Variants in SCLT1 observed in about 807,000 individuals in gnomAD.
The protein encoded by SCLT1 is sodium channel-associated protein 1.
A neutral mutation model predicts 112.8 loss-of-function variants in SCLT1; 78 were observed. The ratio of observed to expected loss-of-function variants is 0.69; its 90% CI spans 0.58 to 0.83. SCLT1 has a LOEUF of 0.83. SCLT1 is among the 40% of genes least tolerant of loss of function. The probability of loss-of-function intolerance (pLI) is 0.00; values close to 1 mark genes in which losing one functional copy is unlikely to be tolerated. For missense variants in SCLT1, 747 were observed against 770.4 expected (o/e 0.97, Z 0.36); for synonymous variants, 257 against 254.7 (o/e 1.01, Z -0.09).
Position 129,003,786 on chromosome 4 carries a change from A to T in SCLT1, c.381T>A (p.Asp127Glu). ...GTTCTTGAAGGTTTCTGACTGTTTC[A>T]TCATCTGCATATATGTCAGTTCCTA... ...TEVGTDIYAD[D>E]ETVRNLQEQL... The change falls in exon 6 of 21, where the codon GAT becomes GAA. Residue 127 changes from aspartate to glutamate, a missense_variant. Around this residue, in one of 2 missense-constraint regions of SCLT1, gnomAD observed 723 missense variants for 721.3 expected, o/e 1.00. Coordinates refer to ENST00000281142, the MANE Select transcript of SCLT1 (RefSeq NM_144643.4). The T allele has an allele frequency of 6.2e-7, 1 of 1,611,648 alleles. No homozygotes were observed. Among genetic ancestry groups the T allele is most frequent in the Non-Finnish European group, 8.5e-7 (1 of 1,178,946 alleles).
intron 18 of SCLT1, among the ~76,000 whole-genome samples, chr4:128,913,391 G>A (rs896007915): frequency 4.6e-5 from 7 of 152,208 alleles, no homozygotes; most frequent in African/African-American, 1.7e-4. Flanking sequence ...AGTGAAACAG[G>A]AATTGAAGTT....
At chr4:129,041,307 T>C (rs1047889823) in intron 4 of SCLT1, among the ~76,000 whole-genome samples, 1 of 152,216 alleles carries the variant, frequency 6.6e-6, no homozygotes, top group Admixed American at 6.5e-5. Flanking sequence ...GAAGACCTTA[T>C]GATAAAACAG....
At position 129,027,973 on chromosome 4, in the gene SCLT1, C is replaced by T. The variant is rs569251315; in HGVS notation, c.290+11068G>A. On this transcript the variant is annotated intron_variant, in intron 5 of 20. Coordinates refer to ENST00000281142, the MANE Select transcript of SCLT1 (RefSeq NM_144643.4). ...ACCTAGGAATCCAACTTACAAGGGA[C>T]GGGAAGGACCTCTTCAAGGAGAACT... 2.4e-3 allele frequency among the ~76,000 whole-genome samples: 371 copies of T among 152,032 alleles called. 1 individual carries two copies. The highest frequency in any genetic ancestry group is 8.1e-3 in the African/African-American group (336 of 41,452).
intron 5 of SCLT1, among the ~76,000 whole-genome samples, chr4:129,006,516 C>T (rs1029681106): frequency 1.5e-5 from 2 of 135,658 alleles, no homozygotes; most frequent in Non-Finnish European, 3.1e-5. Context: ...CCAGCCTGGG[C>T]GACAGAGCAA....
intron 9 of SCLT1, among the ~76,000 whole-genome samples, chr4:128,978,328 T>C (rs1398889687): frequency 6.6e-6 from 1 of 152,070 alleles, no homozygotes; most frequent in Non-Finnish European, 1.5e-5. Flanking sequence ...GTAGGGTAGA[T>C]ATGATCATCT....
chr4:129,043,490 T>C (rs772210935), intron 3 of SCLT1, 23 bp from the exon 4 acceptor site: 10 of 1,061,268 alleles, frequency 9.4e-6, no homozygotes, highest in South Asian at 8.4e-5. Context: ...AATAAAAATA[T>C]AGCATATTCT....
chr4:129,033,847 A>T (rs1746959940), intron 5 of SCLT1, among the ~76,000 whole-genome samples: 1 of 152,168 alleles, frequency 6.6e-6, no homozygotes, highest in Non-Finnish European at 1.5e-5. Flanking sequence ...CCAAAACATA[A>T]ACTCAATTAT....
rs1243065742 is a variant in SCLT1 at position 129,055,231 on chromosome 4, G to A, written c.103-11180C>T. Among the ~76,000 whole-genome samples, 4 of 152,336 alleles carry A rather than the reference G, an allele frequency of 2.6e-5. 1 individual carries two copies. The South Asian group carries it at 8.3e-4, about 32-fold the overall frequency. On this transcript the variant is annotated intron_variant, in intron 2 of 20. Coordinates refer to ENST00000281142, the MANE Select transcript of SCLT1 (RefSeq NM_144643.4). ...TTGTTGGGAGATCTTTCCCAGTCAG[G>A]AGGCATGGGGGTTAGGGACTCACTG...
intron 18 of SCLT1, among the ~76,000 whole-genome samples, chr4:128,902,570 C>G (rs937931738): frequency 6.6e-6 from 1 of 152,124 alleles, no homozygotes; most frequent in Non-Finnish European, 1.5e-5. Context: ...GTATAGGGTA[C>G]TTGCCATAAA....
intron 5 of SCLT1, among the ~76,000 whole-genome samples, chr4:129,024,858 G>A (rs1463381046): frequency 1.3e-5 from 2 of 152,128 alleles, no homozygotes; most frequent in Non-Finnish European, 1.5e-5. Flanking sequence ...GCTTAAAGGA[G>A]CTGATGGAGC....
chr4:129,060,961 T>C (rs1043257424), intron 2 of SCLT1, among the ~76,000 whole-genome samples: 11 of 152,176 alleles, frequency 7.2e-5, no homozygotes, highest in Non-Finnish European at 1.2e-4. Context: ...AAGACACCCC[T>C]ATCCACTTGG....
At chr4:128,948,381 C>T (rs1738389296) in intron 15 of SCLT1, 115 bp downstream of exon 15, 2 of 1,032,734 alleles carry the variant, frequency 1.9e-6, no homozygotes, top group Admixed American at 3.9e-5. Context: ...AAAAACTTAC[C>T]AGGACAATAC....
intron 5 of SCLT1, 131 bp from the exon 6 acceptor site, chr4:129,004,007 A>G (rs1743772001): frequency 1.3e-6 from 1 of 766,638 alleles, no homozygotes; most frequent in Non-Finnish European, 2.1e-6. Flanking sequence ...GACTTCAAAT[A>G]AAAAATTAGA....
intron 8 of SCLT1, among the ~76,000 whole-genome samples, 199 bp from the exon 9 acceptor site, chr4:128,992,436 C>A (rs980890203): frequency 6.6e-6 from 1 of 151,900 alleles, no homozygotes; most frequent in South Asian, 2.1e-4. Context: ...CTTGAAACTA[C>A]CTACACCTGC....
At chr4:128,999,960 TTAA>T (rs1743330605) in intron 6 of SCLT1, among the ~76,000 whole-genome samples, 166 bp from the exon 7 acceptor site, 1 of 151,994 alleles carries the variant, frequency 6.6e-6, no homozygotes, top group Non-Finnish European at 1.5e-5. Flanking sequence ...AGTTTTATTA[TTAA>T]TAATTTAGAG....
At chr4:128,919,007 T>C (rs572556742) in intron 18 of SCLT1, among the ~76,000 whole-genome samples, 127 of 152,240 alleles carry the variant, frequency 8.3e-4, no homozygotes, top group African/African-American at 2.7e-3. Flanking sequence ...CTGACAGTAT[T>C]AGGCAGATGA....
chr4:128,976,035 C>T (rs188558344), intron 9 of SCLT1, among the ~76,000 whole-genome samples: 19 of 152,306 alleles, frequency 1.2e-4, no homozygotes, highest in East Asian at 1.2e-3. Context: ...TATTTATACA[C>T]ACTTGAAGTT....
At chr4:128,951,874 A>G (rs953160607) in intron 14 of SCLT1, among the ~76,000 whole-genome samples, 2 of 152,162 alleles carry the variant, frequency 1.3e-5, no homozygotes, top group African/African-American at 4.8e-5. Flanking sequence ...CCAATACACA[A>G]TGATTAAGAT....
At chr4:128,952,905 ACACT>A in intron 13 of SCLT1, 65 bp from the exon 14 acceptor site, 3 of 812,958 alleles carry the variant, frequency 3.7e-6, no homozygotes, top group East Asian at 2.4e-5. Context: ...TCTGATAAAA[ACACT>A]CAGGATAATA....
Sources: allele counts gnomAD v4.1 joint callset (sites outside exome capture counted in the v4.1 genomes callset), GRCh38; gene constraint gnomAD v4.1.1; regional missense constraint gnomAD v4.1.1; transcripts MANE v1.5; gene names NCBI Gene and HGNC (gene_info 2026-07-23, HGNC 2026-07-21).